The following TGFA variants were observed in gnomAD, a reference collection of about 807,000 sequenced individuals.
The protein encoded by TGFA is transforming growth factor alpha.
In TGFA, 12 loss-of-function variants were observed where a neutral mutation model predicts 21.7. The observed-to-expected ratio is 0.55, with a 90% CI of 0.35 to 0.90. The LOEUF is 0.90. Ranked by LOEUF, TGFA falls within the 40% of genes least tolerant of loss-of-function variation. TGFA has a pLI of 0.01. For missense variants in TGFA, 178 were observed against 210.8 expected (o/e 0.84, Z 0.96); for synonymous variants, 79 against 88.1 (o/e 0.90, Z 0.58).
At chr2:70,476,987 A>T (rs934222024) in intron 2 of TGFA, among the ~76,000 whole-genome samples, 6 of 151,800 alleles carry the variant, frequency 4.0e-5, no homozygotes, top group Admixed American at 3.3e-4. Context: ...ATACGCAATT[A>T]TTTTTTTTTA....
intron 5 of TGFA, among the ~76,000 whole-genome samples, chr2:70,451,970 C>T (rs1370848361): frequency 6.6e-6 from 1 of 152,202 alleles, no homozygotes; most frequent in Non-Finnish European, 1.5e-5. Context: ...CGCTCCCGCA[C>T]TCTCTGTGTG....
chr2:70,476,276 C>A (rs1344138707), intron 2 of TGFA, among the ~76,000 whole-genome samples: 1 of 152,104 alleles, frequency 6.6e-6, no homozygotes, highest in African/African-American at 2.4e-5. Flanking sequence ...TGTCAACCAG[C>A]ATTTGGAAAA....
chr2:70,450,974 TTCTC>T, intron 5 of TGFA, 108 bp from the exon 6 acceptor site: 1 of 1,386,608 alleles, frequency 7.2e-7, no homozygotes, highest in South Asian at 1.2e-5. Context: ...TGTCACCAAG[TTCTC>T]TCGGGCAGTT....
intron 1 of TGFA, among the ~76,000 whole-genome samples, chr2:70,518,386 G>C (rs1181868696): frequency 2.0e-5 from 3 of 152,212 alleles, no homozygotes; most frequent in African/African-American, 7.2e-5. Context: ...CCTCAAAATA[G>C]AGTGGGAACC....
rs527352558 is a variant in TGFA, at chr2:70,456,391, C to T, written c.313G>A (p.Val105Met). The stretch of plus-strand genomic sequence containing the variant: ...ACAGCCAGGGCCACGATGGAGACCA[C>T]CACCAAGGCGGTGATGGCCTGCTTC... Reference protein sequence around the residue: ...QKKQAITALVVVSIVALAVLI... With the variant: ...QKKQAITALVMVSIVALAVLI... The change falls in exon 4 of 6, where the codon GTG becomes ATG. Residue 105 changes from valine (V) to methionine (M), a missense_variant. Physicochemically the swap from Val to Met is conservative, Grantham distance 21. Transcript: ENST00000295400. 3.2e-6 allele frequency: 5 copies of T among 1,582,074 alleles called. No homozygotes were observed. In the South Asian group the frequency reaches 5.8e-5, roughly 18 times the overall value.
intron 1 of TGFA, among the ~76,000 whole-genome samples, chr2:70,538,418 T>G (rs1389894786): frequency 6.6e-6 from 1 of 152,182 alleles, no homozygotes; most frequent in Non-Finnish European, 1.5e-5. Context: ...TAAAGTAAAT[T>G]AAAAATCTTG....
intron 2 of TGFA, among the ~76,000 whole-genome samples, chr2:70,505,343 G>C (rs1218548813): frequency 1.3e-5 from 2 of 152,152 alleles, no homozygotes; most frequent in Admixed American, 6.5e-5. Context: ...ACTGCAATCT[G>C]GTTATCATTT....
intron 1 of TGFA, among the ~76,000 whole-genome samples, chr2:70,524,754 G>T (rs1370281734): frequency 6.6e-6 from 1 of 152,234 alleles, no homozygotes; most frequent in African/African-American, 2.4e-5. Context: ...GGATAAAGTG[G>T]CAGATGCTAT....
intron 4 of TGFA, among the ~76,000 whole-genome samples, chr2:70,454,970 G>A (rs782108750): frequency 2.6e-5 from 4 of 152,188 alleles, no homozygotes; most frequent in Non-Finnish European, 5.9e-5. Flanking sequence ...GAAGGATGGG[G>A]CAGCACACAC....
intron 2 of TGFA, among the ~76,000 whole-genome samples, chr2:70,467,930 TTTG>T (rs1453234087): frequency 5.3e-5 from 8 of 152,136 alleles, no homozygotes; most frequent in Non-Finnish European, 8.8e-5. Context: ...GAGGCACGGG[TTTG>T]AATCCTGCCT....
intron 1 of TGFA, among the ~76,000 whole-genome samples, chr2:70,517,135 C>T (rs139320669): frequency 2.7e-4 from 41 of 152,326 alleles, no homozygotes; most frequent in Admixed American, 5.9e-4. Flanking sequence ...CCTGTGAGCT[C>T]GCAGCTGCTA....
At chr2:70,495,262 C>T (rs1553498189) in intron 2 of TGFA, among the ~76,000 whole-genome samples, 1 of 152,208 alleles carries the variant, frequency 6.6e-6, no homozygotes, top group Non-Finnish European at 1.5e-5. Flanking sequence ...TGGAGCTTGC[C>T]ATGCTGGCTC....
chr2:70,506,890 A>G (rs1416390872), intron 2 of TGFA, among the ~76,000 whole-genome samples: 1 of 152,044 alleles, frequency 6.6e-6, no homozygotes, highest in African/African-American at 2.4e-5. Context: ...GAAAGACCCA[A>G]CCTCTCTGTT....
chr2:70,545,779 G>C (rs1346975124), intron 1 of TGFA, among the ~76,000 whole-genome samples: 1 of 151,958 alleles, frequency 6.6e-6, no homozygotes, highest in African/African-American at 2.4e-5. Flanking sequence ...AAAACCTTAG[G>C]TATGTCAAAA....
At chr2:70,460,689 G>A (rs538359594) in intron 3 of TGFA, among the ~76,000 whole-genome samples, 100 of 152,298 alleles carry the variant, frequency 6.6e-4, no homozygotes, top group South Asian at 1.9e-3. Context: ...GGGCTGGTGG[G>A]GAGAGGGCTG....
intron 1 of TGFA, among the ~76,000 whole-genome samples, chr2:70,524,827 G>C (rs1672586115): frequency 6.6e-6 from 1 of 152,202 alleles, no homozygotes; most frequent in African/African-American, 2.4e-5. Context: ...GCACCTGGCT[G>C]ACAAGAAGTA....
intron 3 of TGFA, among the ~76,000 whole-genome samples, chr2:70,457,248 G>A (rs545902011): frequency 3.3e-5 from 5 of 152,238 alleles, no homozygotes; most frequent in East Asian, 3.9e-4. Context: ...AGGGGAGGGC[G>A]AGTCATTCAG....
rs548066305 is a variant in TGFA, at chr2:70,450,772, C to T, written c.*87G>A. 29 of 1,497,020 alleles carry T rather than the reference C, an allele frequency of 1.9e-5. No homozygotes were observed. The African/African-American group carries it at 2.9e-4, about 15-fold the overall frequency. The allele number at this position is 1,497,020 out of a possible 1,614,324, so 92.7% of individuals were successfully genotyped here. A position where few individuals can be genotyped will look rare whatever the true frequency, so the allele number is the denominator to read the frequency against. On this transcript the variant is annotated 3_prime_UTR_variant, in exon 6 of 6. Coordinates refer to ENST00000295400, the MANE Select transcript of TGFA (RefSeq NM_003236.4). ...CAAGTAGGAAGGTCTGTGGCACACC[C>T]AGGCATCTCTGGCAGTGCTGTCCTG...
chr2:70,541,731 G>C (rs1000637058), intron 1 of TGFA, among the ~76,000 whole-genome samples: 9 of 152,140 alleles, frequency 5.9e-5, no homozygotes, highest in African/African-American at 1.7e-4. Context: ...GATTCAGAGA[G>C]AGTCCAGATC....
Sources: allele counts gnomAD v4.1 joint callset (sites outside exome capture counted in the v4.1 genomes callset), GRCh38; gene constraint gnomAD v4.1.1; transcripts MANE v1.5; gene names NCBI Gene and HGNC (gene_info 2026-07-23, HGNC 2026-07-21).